PHLPP2: variants seen among roughly 807,000 people sequenced by gnomAD.
The protein encoded by PHLPP2 is PH domain and leucine rich repeat protein phosphatase 2.
In PHLPP2, 66 loss-of-function variants were observed where a neutral mutation model predicts 124.9. The observed-to-expected ratio is 0.53, with a 90% CI of 0.43 to 0.65. The LOEUF is 0.65. Among genes scored for constraint, PHLPP2 ranks in the 30% least tolerant of loss-of-function variants. The pLI is 0.00. For synonymous variants in PHLPP2, 681 were observed against 624.7 expected (o/e 1.09, Z -1.34); for missense variants, 1,685 against 1,600.4 (o/e 1.05, Z -0.90).
intron 1 of PHLPP2, chr16:71,723,983 G>A (rs1239933825): frequency 4.0e-6 from 1 of 249,502 alleles, no homozygotes. Flanking sequence ...CCGCCCCTCC[G>A]GCGGCTCGCC....
chr16:71,699,400 C>T (rs1432490279), intron 3 of PHLPP2, among the ~76,000 whole-genome samples: 1 of 152,148 alleles, frequency 6.6e-6, no homozygotes. Context: ...ACTCAGCGAG[C>T]AGAGAAGAGA....
chr16:71,662,179 C>T (rs1327683521), intron 13 of PHLPP2, among the ~76,000 whole-genome samples: 1 of 151,710 alleles, frequency 6.6e-6, no homozygotes, highest in Non-Finnish European at 1.5e-5. Context: ...CACCTGTAAT[C>T]CCAGTACTTT....
At chr16:71,692,818 C>CTT (rs1360673599) in intron 3 of PHLPP2, among the ~76,000 whole-genome samples, 3 of 42,018 alleles carry the variant, frequency 7.1e-5, no homozygotes, top group Non-Finnish European at 1.4e-4. Context: ...CCATATTTTT[C>CTT]TTTGTTTTTT....
chr16:71,684,679 C>T (rs994340112), intron 4 of PHLPP2, 78 bp from the exon 5 acceptor site: 13 of 1,344,764 alleles, frequency 9.7e-6, no homozygotes, highest in African/African-American at 5.9e-5. Flanking sequence ...AATCACAAGA[C>T]GAACAACTGA....
At position 71,682,004 on chromosome 16, in the gene PHLPP2, A is replaced by G. The variant is rs899300079; in HGVS notation, c.736-99T>C. 3.0e-5 allele frequency: 22 copies of G among 734,218 alleles called. No homozygotes were observed. The East Asian group carries it at 6.8e-4, about 23-fold the overall frequency. The allele number at this position is 734,218 out of a possible 1,614,324, so 45.5% of individuals were successfully genotyped here. On this transcript the variant is annotated intron_variant, in intron 5 of 18. Transcript: ENST00000568954. Reference sequence around the variant, plus strand: ...ATTTACACAAAAAGACGCTAATTAAAAAGATAGGAAAAAAAAGGCAATAAG... The same window carrying G: ...ATTTACACAAAAAGACGCTAATTAAGAAGATAGGAAAAAAAAGGCAATAAG...
At chr16:71,682,516 T>C (rs1277670899) in intron 5 of PHLPP2, among the ~76,000 whole-genome samples, 3 of 152,080 alleles carry the variant, frequency 2.0e-5, no homozygotes, top group Non-Finnish European at 4.4e-5. Context: ...TCGAAATAAA[T>C]GGAAAAAACT....
intron 9 of PHLPP2, among the ~76,000 whole-genome samples, chr16:71,673,656 A>C (rs1484544723): frequency 6.6e-6 from 1 of 152,026 alleles, no homozygotes; most frequent in Non-Finnish European, 1.5e-5. Flanking sequence ...AAATACTATT[A>C]AAATATTTCA....
At chr16:71,656,193 T>C (rs1367699984) in intron 16 of PHLPP2, among the ~76,000 whole-genome samples, 3 of 152,038 alleles carry the variant, frequency 2.0e-5, no homozygotes, top group African/African-American at 4.8e-5. Context: ...TTTGGTCACT[T>C]TGGGGAGGGT....
At chr16:71,692,250 T>C (rs1010705968) in intron 3 of PHLPP2, among the ~76,000 whole-genome samples, 3 of 152,086 alleles carry the variant, frequency 2.0e-5, no homozygotes, top group African/African-American at 4.8e-5. Context: ...TTTGTATTTT[T>C]AGTAGAGACG....
chr16:71,658,431 C>T, intron 14 of PHLPP2, 68 bp from the exon 15 acceptor site: 4 of 1,411,610 alleles, frequency 2.8e-6, no homozygotes, highest in Non-Finnish European at 2.9e-6. Context: ...CCCAAGTGTC[C>T]AATCTCTTAC....
intron 1 of PHLPP2, among the ~76,000 whole-genome samples, chr16:71,716,945 A>G (rs991908575): frequency 2.0e-5 from 3 of 152,200 alleles, no homozygotes; most frequent in Admixed American, 6.5e-5. Flanking sequence ...TATTTATTTG[A>G]TATTTCTTCC....
At chr16:71,705,119 A>G (rs943447982) in intron 2 of PHLPP2, among the ~76,000 whole-genome samples, 1 of 152,230 alleles carries the variant, frequency 6.6e-6, no homozygotes, top group Admixed American at 6.5e-5. Context: ...AACTGTTCAG[A>G]GAGACCTGGA....
At chr16:71,723,453 C>A (rs571955921) in intron 1 of PHLPP2, 106 of 153,640 alleles carry the variant, frequency 6.9e-4, no homozygotes, top group African/African-American at 2.3e-3. Flanking sequence ...CAAGCAGGGG[C>A]GGCGAAGGGT....
chr16:71,684,414 C>T (rs2045033039), intron 5 of PHLPP2, 62 bp downstream of exon 5: 8 of 1,570,102 alleles, frequency 5.1e-6, no homozygotes, highest in Non-Finnish European at 7.0e-6. Flanking sequence ...ACGTGAGCCA[C>T]CACGCCCGGC....
chr16:71,648,330 T>A lies in PHLPP2; in HGVS notation c.*560A>T, dbSNP rs896011917. The A allele has an allele frequency of 6.3e-6, 1 of 158,376 alleles. No homozygotes were observed. Among genetic ancestry groups the A allele is most frequent in the Non-Finnish European group, 1.4e-5 (1 of 70,412 alleles). The allele number at this position is 158,376 out of a possible 1,614,324, so 9.8% of individuals were successfully genotyped here. On this transcript the variant is annotated 3_prime_UTR_variant, in exon 19 of 19. Coordinates refer to ENST00000568954, the MANE Select transcript of PHLPP2 (RefSeq NM_015020.3). ...GTAGGACTGATACAGAACAGCTGCT[T>A]TCTTCCCAGTACCCCTGGGAATTCC... is the stretch of plus-strand genomic sequence containing the variant.
rs764208863 is a variant in PHLPP2 at position 71,714,631 on chromosome 16, GGAGGAA to G, written c.159_164del (p.Ser59_Ser60del). 8 of 1,613,796 alleles carry G rather than the reference GGAGGAA, an allele frequency of 5.0e-6. No homozygotes were observed. Among genetic ancestry groups the G allele is most frequent in the Non-Finnish European group, 6.8e-6 (8 of 1,179,690 alleles). ...GATGTAAGTCAGAGGAAGAGGAGGA[GGAGGAA>G]GAGGAAGAGGAGGTGGTGGTGGTTG... On this transcript the variant is annotated inframe_deletion, in exon 2 of 19. Transcript: ENST00000568954.
rs2044669784 is a variant in PHLPP2 at position 71,648,619 on chromosome 16, A to T, written c.*271T>A. On this transcript the variant is annotated 3_prime_UTR_variant, in exon 19 of 19. Coordinates refer to ENST00000568954, the MANE Select transcript of PHLPP2 (RefSeq NM_015020.3). ...ACCCCGTCTCTAAAAAAAAAAAATA[A>T]AACTTAGCCGGGCATAATGGCAGGT... 1 of 444,406 alleles carries T rather than the reference A, an allele frequency of 2.3e-6. No individual in the cohort carries two copies. Among genetic ancestry groups the T allele is most frequent in the Non-Finnish European group, 4.0e-6 (1 of 251,030 alleles). The allele number at this position is 444,406 out of a possible 1,614,324, so 27.5% of individuals were successfully genotyped here. A position where few individuals can be genotyped will look rare whatever the true frequency, so the allele number is the denominator to read the frequency against.
At chr16:71,688,254 T>G (rs557024808) in intron 4 of PHLPP2, among the ~76,000 whole-genome samples, 3 of 152,376 alleles carry the variant, frequency 2.0e-5, no homozygotes, top group African/African-American at 7.2e-5. Flanking sequence ...CTAGAAGATT[T>G]AGTTTTTGAT....
chr16:71,669,662 G>A (rs2044873388), intron 10 of PHLPP2, among the ~76,000 whole-genome samples: 1 of 152,238 alleles, frequency 6.6e-6, no homozygotes, highest in Admixed American at 6.5e-5. Flanking sequence ...CTTGTGGTGG[G>A]ATGGGATGAG....
Sources: gnomAD v4.1 joint callset for allele counts (sites outside exome capture counted in the v4.1 genomes callset) on GRCh38, gnomAD v4.1.1 for gene constraint, MANE v1.5 for transcripts, NCBI Gene and HGNC (gene_info 2026-07-23, HGNC 2026-07-21) for gene names.